The following NSD3 variants were observed in gnomAD, a reference collection of about 807,000 sequenced individuals.
The protein encoded by NSD3 is nuclear receptor binding SET domain protein 3.
NSD3 carries 24 observed loss-of-function variants against 160.8 expected under a neutral mutation model. The observed-to-expected ratio is 0.15, with a 90% CI of 0.11 to 0.21. The LOEUF is 0.21. Ranked by LOEUF, NSD3 falls within the 10% of genes least tolerant of loss-of-function variation. NSD3 has a pLI of 1.00. For missense variants in NSD3, 1,157 were observed against 1,735.9 expected (o/e 0.67, Z 5.93); for synonymous variants, 520 against 600.0 (o/e 0.87, Z 1.95).
intron 16 of NSD3, among the ~76,000 whole-genome samples, chr8:38,291,611 G>T (rs1808998614): frequency 1.3e-5 from 2 of 152,118 alleles, no homozygotes; most frequent in African/African-American, 4.8e-5. Flanking sequence ...TGAAAACATG[G>T]GTAAGAATCC....
chr8:38,329,812 G>C lies in NSD3; in HGVS notation c.1147C>G (p.Arg383Gly). Reference protein sequence around the residue: ...AHAEKALKMTREERIEQYTFI... With the variant: ...AHAEKALKMTGEERIEQYTFI... ...GTATACTGTTCTATTCTTTCTTCTC[G>C]AGTCATTTTCAATGCTTTCTCTGCA... Residue 383 changes from arginine to glycine, a missense_variant, in exon 6 of 24, where the codon CGA becomes GGA. Transcript: ENST00000317025. This position sits in a 1 kb window ranked among gnomAD's most constrained non-coding sequence, Gnocchi z 4.8. 1 of 1,613,488 alleles carries C rather than the reference G, an allele frequency of 6.2e-7. No individual in the cohort carries two copies.
At chr8:38,326,699 G>C in intron 7 of NSD3, 31 bp downstream of exon 7, 1 of 1,581,778 alleles carries the variant, frequency 6.3e-7, no homozygotes. Context: ...TTCTCAAAAT[G>C]GACCTATATA....
chr8:38,366,418 C>CTTTTTTTTTTTTTTTTTT (rs374656504), intron 1 of NSD3, among the ~76,000 whole-genome samples: 1 of 132,194 alleles, frequency 7.6e-6, no homozygotes, highest in African/African-American at 2.8e-5. Flanking sequence ...CTACTTAATT[C>CTTTTTTTTTTTTTTTTTT]TTTTTTTTTT....
chr8:38,286,513 G>C (rs747431897), intron 19 of NSD3, among the ~76,000 whole-genome samples: 1 of 152,144 alleles, frequency 6.6e-6, no homozygotes, highest in East Asian at 1.9e-4. Context: ...CTAGACTCCT[G>C]ACCCATATTA....
intron 15 of NSD3, among the ~76,000 whole-genome samples, chr8:38,298,294 T>TC (rs1809203850): frequency 6.6e-6 from 1 of 152,224 alleles, no homozygotes; most frequent in African/African-American, 2.4e-5. Context: ...AAACCTATGT[T>TC]CATTTTTTTG....
chr8:38,364,976 A>C lies in NSD3; in HGVS notation c.-44-16761T>G, dbSNP rs146043816. Among the ~76,000 whole-genome samples, 647 of 152,352 alleles carry C rather than the reference A, an allele frequency of 4.2e-3. 2 individuals are homozygous for C. Among genetic ancestry groups the C allele is most frequent in the African/African-American group, 0.015 (617 of 41,582 alleles). On this transcript the variant is annotated intron_variant, in intron 1 of 23. Transcript: ENST00000317025. ...AACACTACTCAAGAACAGGCATTTG[A>C]GTAAATCCCATAACCTCTGTTTTCC...
chr8:38,281,139 A>G (rs1252663190), intron 20 of NSD3, among the ~76,000 whole-genome samples: 1 of 152,186 alleles, frequency 6.6e-6, no homozygotes, highest in Non-Finnish European at 1.5e-5. Context: ...AGAATCACAG[A>G]GTTGATTCTC....
intron 4 of NSD3, among the ~76,000 whole-genome samples, chr8:38,332,073 T>C (rs1810074787): frequency 6.6e-6 from 1 of 151,814 alleles, no homozygotes; most frequent in African/African-American, 2.4e-5. Context: ...ACTACAGACA[T>C]ATGCCACATG....
chr8:38,308,484 C>T (rs1454734088), intron 12 of NSD3, among the ~76,000 whole-genome samples: 1 of 152,002 alleles, frequency 6.6e-6, no homozygotes, highest in East Asian at 1.9e-4. Flanking sequence ...AGTTTGACTT[C>T]ACAGATTGGT....
chr8:38,376,830 G>C (rs1352638483), intron 1 of NSD3, among the ~76,000 whole-genome samples: 1 of 152,140 alleles, frequency 6.6e-6, no homozygotes, highest in Non-Finnish European at 1.5e-5. Context: ...ACTTCCATAG[G>C]CCTCAGTTTT....
At chr8:38,292,727 T>C (rs1809028759) in intron 16 of NSD3, among the ~76,000 whole-genome samples, 1 of 151,894 alleles carries the variant, frequency 6.6e-6, no homozygotes, top group Admixed American at 6.6e-5. Context: ...AGGCAGAGCT[T>C]GCAGTGAGCC....
intron 17 of NSD3, 48 bp from the exon 18 acceptor site, chr8:38,289,553 A>T: frequency 6.5e-7 from 1 of 1,544,492 alleles, no homozygotes; most frequent in Non-Finnish European, 8.9e-7. Context: ...AACCAAAGGA[A>T]AATTGATGGG....
At chr8:38,304,887 C>G in intron 13 of NSD3, 130 bp from the exon 14 acceptor site, 1 of 969,060 alleles carries the variant, frequency 1.0e-6, no homozygotes, top group East Asian at 2.7e-5. Context: ...TTTTTTTCTT[C>G]CCTAGTCTGG....
intron 4 of NSD3, among the ~76,000 whole-genome samples, chr8:38,335,650 C>G (rs975588295): frequency 1.3e-5 from 2 of 152,166 alleles, no homozygotes. Flanking sequence ...AGTCCAATAC[C>G]CTTCTTATAT....
intron 19 of NSD3, among the ~76,000 whole-genome samples, chr8:38,282,196 T>C (rs1214350324): frequency 6.6e-6 from 1 of 152,234 alleles, no homozygotes; most frequent in African/African-American, 2.4e-5. Context: ...TATAATTCTA[T>C]GCAGTTTTAG....
intron 22 of NSD3, among the ~76,000 whole-genome samples, chr8:38,278,082 G>A (rs1427253844): frequency 6.6e-6 from 1 of 152,168 alleles, no homozygotes; most frequent in Non-Finnish European, 1.5e-5. Flanking sequence ...GGGACTACAG[G>A]CACCCATCAC....
intron 1 of NSD3, among the ~76,000 whole-genome samples, chr8:38,372,239 A>T (rs1352314133): frequency 6.6e-6 from 1 of 152,228 alleles, no homozygotes; most frequent in Non-Finnish European, 1.5e-5. Flanking sequence ...ACTGAATCTT[A>T]CCAAAAAGTG....
intron 1 of NSD3, among the ~76,000 whole-genome samples, chr8:38,367,310 T>G (rs560779185): frequency 6.6e-6 from 1 of 152,264 alleles, no homozygotes; most frequent in South Asian, 2.1e-4. Flanking sequence ...ATATATAAAA[T>G]GACCACGAAA....
At position 38,276,399 on chromosome 8, in the gene NSD3, G is replaced by GTAA; in HGVS notation, c.3966_3968dup (p.Tyr1323dup). ...CTCCACCATCTCCACATTGAAAACA[G>GTAA]TAATCTTCATGCATCTGCTTTGGTT... On this transcript the variant is annotated inframe_insertion, in exon 23 of 24. Transcript: ENST00000317025. 1 of 1,614,190 alleles carries GTAA rather than the reference G, an allele frequency of 6.2e-7. No individual in the cohort carries two copies. The highest frequency in any genetic ancestry group is 8.5e-7 in the Non-Finnish European group (1 of 1,180,036).
Sources: allele counts gnomAD v4.1 joint callset (sites outside exome capture counted in the v4.1 genomes callset), GRCh38; gene constraint gnomAD v4.1.1; non-coding constraint Gnocchi (gnomAD v3.1); transcripts MANE v1.5; gene names NCBI Gene and HGNC (gene_info 2026-07-23, HGNC 2026-07-21).